TRIO: variants seen among roughly 807,000 people sequenced by gnomAD.
TRIO encodes the protein trio Rho guanine nucleotide exchange factor, also known as triple functional domain protein.
TRIO carries 58 observed loss-of-function variants against 351.9 expected under a neutral mutation model. That is an observed-to-expected ratio of 0.16 (90% CI 0.13 to 0.21). TRIO has a LOEUF of 0.21. Ranked by LOEUF, TRIO falls within the 10% of genes least tolerant of loss-of-function variation. TRIO has a pLI of 1.00. For synonymous variants in TRIO, 1,758 were observed against 1,595.7 expected (o/e 1.10, Z -2.42); for missense variants, 3,201 against 4,027.8 (o/e 0.79, Z 5.56).
intron 1 of TRIO, among the ~76,000 whole-genome samples, chr5:14,205,702 G>A (rs926261991): frequency 1.3e-5 from 2 of 152,074 alleles, no homozygotes; most frequent in African/African-American, 2.4e-5. Flanking sequence ...AACATTATAC[G>A]CATACAAATA....
rs779086602 is a variant in TRIO, at chr5:14,485,053, T to G, written c.6658-16T>G. On this transcript the variant is annotated splice_polypyrimidine_tract_variant and intron_variant, in intron 46 of 56. Coordinates refer to ENST00000344204, the MANE Select transcript of TRIO (RefSeq NM_007118.4). ...CACCTGTTAGCTATTATGAATAATG[T>G]TTTTTTTTTTTTAAGGTGAGTTGCC... 1.1e-4 allele frequency: 70 copies of G among 631,658 alleles called. No homozygotes were observed. Among genetic ancestry groups the G allele is most frequent in the Non-Finnish European group, 1.5e-4 (62 of 417,380 alleles). 39.1% of individuals were successfully genotyped at this position (631,658 alleles called of 1,614,324 possible).
At chr5:14,480,515 A>T (rs1755432383) in intron 43 of TRIO, among the ~76,000 whole-genome samples, 1 of 152,202 alleles carries the variant, frequency 6.6e-6, no homozygotes, top group Non-Finnish European at 1.5e-5. Flanking sequence ...ATCCTTTTGT[A>T]TTCCTCTCTG....
intron 1 of TRIO, among the ~76,000 whole-genome samples, chr5:14,219,270 AC>A (rs1792435414): frequency 6.6e-6 from 1 of 151,960 alleles, no homozygotes; most frequent in Admixed American, 6.6e-5. Context: ...CAAAAGCCTG[AC>A]CAGATCATTG....
chr5:14,147,869 T>C (rs1787605404), intron 1 of TRIO, among the ~76,000 whole-genome samples: 1 of 152,204 alleles, frequency 6.6e-6, no homozygotes, highest in Non-Finnish European at 1.5e-5. Context: ...TATTACAAAG[T>C]GGGTCCTTGT....
intron 1 of TRIO, among the ~76,000 whole-genome samples, chr5:14,247,069 A>C (rs1794481585): frequency 2.7e-5 from 4 of 149,174 alleles, no homozygotes; most frequent in South Asian, 2.1e-4. Context: ...TCCACCCCCC[A>C]CCTCCCCCTT....
rs1415366296 is a variant in TRIO at position 14,244,998 on chromosome 5, A to G, written c.158-25827A>G. ...GCAGCTCCGAGTTAAGTACTTGAAC[A>G]TCGGGAGCTATGCATCCCACAGTTC... On this transcript the variant is annotated intron_variant, in intron 1 of 56. Transcript: ENST00000344204. 2.6e-5 allele frequency among the ~76,000 whole-genome samples: 4 copies of G among 152,376 alleles called. No individual in the cohort carries two copies. The East Asian group carries it at 5.8e-4, about 22-fold the overall frequency.
At chr5:14,150,553 C>T (rs1787771536) in intron 1 of TRIO, among the ~76,000 whole-genome samples, 1 of 151,856 alleles carries the variant, frequency 6.6e-6, no homozygotes, top group Non-Finnish European at 1.5e-5. Context: ...GTAAAGGGCT[C>T]CCTCAAATCA....
chr5:14,381,601 A>G (rs1746112293), intron 21 of TRIO, among the ~76,000 whole-genome samples: 1 of 152,144 alleles, frequency 6.6e-6, no homozygotes, highest in African/African-American at 2.4e-5. Flanking sequence ...GGTGTCCCCA[A>G]GTTGACCTTT....
intron 13 of TRIO, 125 bp downstream of exon 13, chr5:14,359,656 A>T (rs1743958050): frequency 8.7e-7 from 1 of 1,156,008 alleles, no homozygotes. Flanking sequence ...AACCCTCTGC[A>T]CCAGGAGGGG....
At chr5:14,505,865 A>G (rs1234320006) in intron 55 of TRIO, among the ~76,000 whole-genome samples, 1 of 152,242 alleles carries the variant, frequency 6.6e-6, no homozygotes, top group Non-Finnish European at 1.5e-5. Context: ...GCAGAAGGGC[A>G]GACGGTGGGG....
At position 14,143,608 on chromosome 5, in the gene TRIO, CG is replaced by C; in HGVS notation, c.-117del. 3.7e-6 allele frequency: 1 copy of C among 267,562 alleles called. No individual in the cohort carries two copies. The highest frequency in any genetic ancestry group is 6.7e-5 in the Admixed American group (1 of 14,886). 16.6% of individuals were successfully genotyped at this position (267,562 alleles called of 1,614,324 possible). On this transcript the variant is annotated 5_prime_UTR_variant, in exon 1 of 57. The change abolishes the stop of an existing upstream ORF in the 5' untranslated region. Coordinates refer to ENST00000344204, the MANE Select transcript of TRIO (RefSeq NM_007118.4). ...CCGCCGCCCCGGGGCTCTGCGTCCGCGCGCCGGGCGCGGGCAGCTGGGTGCT... is the reference window on the plus strand; with the variant it reads ...CCGCCGCCCCGGGGCTCTGCGTCCGCCGCCGGGCGCGGGCAGCTGGGTGCT...
At chr5:14,407,234 G>T (rs1486674127) in intron 33 of TRIO, among the ~76,000 whole-genome samples, 1 of 152,176 alleles carries the variant, frequency 6.6e-6, no homozygotes, top group East Asian at 1.9e-4. Flanking sequence ...GCGTCTCAAT[G>T]AGTGGGCTTA....
intron 1 of TRIO, among the ~76,000 whole-genome samples, chr5:14,238,474 T>C (rs765731005): frequency 9.9e-5 from 15 of 152,254 alleles, no homozygotes; most frequent in Non-Finnish European, 1.8e-4. Flanking sequence ...CACCAGCCCA[T>C]GTGGGCCCTC....
chr5:14,214,499 T>C (rs1792105966), intron 1 of TRIO, among the ~76,000 whole-genome samples: 1 of 152,140 alleles, frequency 6.6e-6, no homozygotes, highest in African/African-American at 2.4e-5. Context: ...AGTTTGGAAA[T>C]ACAGGTTAGT....
intron 34 of TRIO, among the ~76,000 whole-genome samples, chr5:14,428,663 A>G (rs1166581083): frequency 6.6e-6 from 1 of 152,250 alleles, no homozygotes; most frequent in African/African-American, 2.4e-5. Context: ...TTCGTGTTCC[A>G]ACTTTACATT....
At chr5:14,217,740 C>T (rs1038017207) in intron 1 of TRIO, among the ~76,000 whole-genome samples, 1 of 152,134 alleles carries the variant, frequency 6.6e-6, no homozygotes, top group African/African-American at 2.4e-5. Context: ...GTGTGGCTGT[C>T]CTGGCACTTT....
intron 1 of TRIO, among the ~76,000 whole-genome samples, chr5:14,197,024 T>C (rs538140031): frequency 5.7e-4 from 87 of 152,356 alleles, no homozygotes; most frequent in African/African-American, 2.0e-3. Flanking sequence ...ATTACACTGT[T>C]ATTCTATACT....
intron 1 of TRIO, among the ~76,000 whole-genome samples, chr5:14,193,248 A>G (rs943253154): frequency 6.6e-6 from 1 of 152,214 alleles, no homozygotes; most frequent in Admixed American, 6.5e-5. Flanking sequence ...TAAGTAAATC[A>G]GGCAATTAAA....
intron 1 of TRIO, among the ~76,000 whole-genome samples, chr5:14,250,096 G>A (rs1199454279): frequency 1.3e-5 from 2 of 152,196 alleles, no homozygotes; most frequent in Admixed American, 6.5e-5. Flanking sequence ...AGAAATAAGG[G>A]CAATTTACAC....
Sources: gnomAD v4.1 joint callset for allele counts (sites outside exome capture counted in the v4.1 genomes callset) on GRCh38, gnomAD v4.1.1 for gene constraint, MANE v1.5 for transcripts, NCBI Gene and HGNC (gene_info 2026-07-23, HGNC 2026-07-21) for gene names.